Variants in INTS7 observed in about 807,000 individuals in gnomAD.
INTS7 encodes integrator complex subunit 7.
INTS7 carries 46 observed loss-of-function variants against 109.2 expected under a neutral mutation model. The ratio of observed to expected loss-of-function variants is 0.42; its 90% CI spans 0.33 to 0.54. The LOEUF (loss-of-function observed/expected upper bound fraction) is 0.54, where lower values mean the gene tolerates loss of function less well. Among genes scored for constraint, INTS7 ranks in the 20% least tolerant of loss-of-function variants. The pLI is 0.07. For missense variants in INTS7, 929 were observed against 1,132.4 expected, an observed-to-expected ratio of 0.82 and a Z score of 2.58; for synonymous variants, 412 against 402.9, an observed-to-expected ratio of 1.02 and a Z score of -0.27.
At chr1:211,976,052 G>A (rs1293864359) in intron 12 of INTS7, among the ~76,000 whole-genome samples, 1 of 151,918 alleles carries the variant, frequency 6.6e-6, no homozygotes, top group Non-Finnish European at 1.5e-5. Context: ...TGTCCGCCTT[G>A]GCCTCTCACA....
At chr1:211,988,964 CTTATCCT>C (rs754378537) in intron 7 of INTS7, among the ~76,000 whole-genome samples, 57 of 152,240 alleles carry the variant, frequency 3.7e-4, no homozygotes, top group Non-Finnish European at 6.9e-4. Flanking sequence ...TGACTCTTGC[CTTATCCT>C]TTATCACATG....
chr1:211,973,429 T>C (rs1009964077), intron 13 of INTS7, among the ~76,000 whole-genome samples: 4 of 152,244 alleles, frequency 2.6e-5, no homozygotes, highest in African/African-American at 9.6e-5. Flanking sequence ...ATTAAACACC[T>C]AACTTTGCTA....
intron 4 of INTS7, among the ~76,000 whole-genome samples, chr1:212,014,941 G>A (rs1452276948): frequency 6.6e-6 from 1 of 152,196 alleles, no homozygotes; most frequent in Non-Finnish European, 1.5e-5. Flanking sequence ...AGTGCAGCCT[G>A]TGCCCGGCCG....
intron 1 of INTS7, among the ~76,000 whole-genome samples, chr1:212,029,425 CTG>C (rs1667059234): frequency 6.6e-6 from 1 of 152,200 alleles, no homozygotes; most frequent in Non-Finnish European, 1.5e-5. Context: ...CATGGCAGAA[CTG>C]TGAGTGGACA....
intron 17 of INTS7, among the ~76,000 whole-genome samples, chr1:211,948,600 G>T (rs923272958): frequency 6.6e-6 from 1 of 152,232 alleles, no homozygotes; most frequent in African/African-American, 2.4e-5. Context: ...AGCCCCTTGG[G>T]TATTGACCTC....
At chr1:212,020,007 A>G in intron 3 of INTS7, 115 bp downstream of exon 3, 1 of 750,870 alleles carries the variant, frequency 1.3e-6, no homozygotes, top group Non-Finnish European at 2.0e-6. Flanking sequence ...CTCTTAGTCA[A>G]AAAAACATAA....
chr1:211,944,982 C>G lies in INTS7; in HGVS notation c.2416-13G>C. ...GTGACAGAGCAAGCTGGAATGCCAA[C>G]ACTCAAATAAATGCCAACAACCAAG... On this transcript the variant is annotated splice_polypyrimidine_tract_variant and intron_variant, in intron 18 of 19. Coordinates refer to ENST00000366994, the MANE Select transcript of INTS7 (RefSeq NM_015434.4). The G allele has an allele frequency of 6.2e-7, 1 of 1,611,556 alleles. No homozygotes were observed. The highest frequency in any genetic ancestry group is 1.7e-5 in the Admixed American group (1 of 59,864).
intron 16 of INTS7, among the ~76,000 whole-genome samples, chr1:211,963,702 G>T (rs539857245): frequency 6.6e-6 from 1 of 152,030 alleles, no homozygotes; most frequent in East Asian, 1.9e-4. Flanking sequence ...CAATAAATGT[G>T]ATTCATCACA....
At chr1:211,987,779 A>AT (rs1276710138) in intron 8 of INTS7, 107 bp downstream of exon 8, 11 of 570,400 alleles carry the variant, frequency 1.9e-5, no homozygotes, top group Middle Eastern at 3.1e-4. Context: ...GGAGTATGAG[A>AT]TTTTTTTCCC....
chr1:212,029,965 T>TC (rs916050173), intron 1 of INTS7, among the ~76,000 whole-genome samples: 3 of 152,078 alleles, frequency 2.0e-5, no homozygotes, highest in Admixed American at 2.0e-4. Context: ...GCAGCATCCA[T>TC]CCCCCAAATT....
At chr1:212,030,999 C>G (rs1667136480) in intron 1 of INTS7, 1 of 152,182 alleles carries the variant, frequency 6.6e-6, no homozygotes, top group African/African-American at 2.4e-5. Context: ...TTCTCTATTT[C>G]ATAACTAAAT....
At chr1:211,984,921 G>C (rs927895745) in intron 8 of INTS7, among the ~76,000 whole-genome samples, 1 of 151,854 alleles carries the variant, frequency 6.6e-6, no homozygotes, top group African/African-American at 2.4e-5. Context: ...TAATTTCTTT[G>C]AGTCCTCTAT....
intron 1 of INTS7, among the ~76,000 whole-genome samples, chr1:212,021,591 C>T (rs1194247081): frequency 6.6e-6 from 1 of 150,992 alleles, no homozygotes; most frequent in Non-Finnish European, 1.5e-5. Context: ...TGCTTGTAAT[C>T]TCAACACTTT....
intron 17 of INTS7, among the ~76,000 whole-genome samples, chr1:211,949,252 T>C (rs772738760): frequency 3.9e-5 from 6 of 152,180 alleles, no homozygotes; most frequent in Non-Finnish European, 8.8e-5. Context: ...TTCTCCCCAC[T>C]CCCGTGACTT....
At chr1:212,020,967 C>T (rs544761944) in intron 2 of INTS7, 116 bp downstream of exon 2, 642 of 928,798 alleles carry the variant, frequency 6.9e-4, no homozygotes, top group South Asian at 8.8e-4. Context: ...CATGTGTGTC[C>T]ACTAATGGTA....
chr1:211,946,660 G>A lies in INTS7; in HGVS notation c.2362C>T (p.Pro788Ser). The A allele has an allele frequency of 1.2e-6, 2 of 1,613,596 alleles. No individual in the cohort carries two copies. Among genetic ancestry groups the A allele is most frequent in the Non-Finnish European group, 8.5e-7 (1 of 1,179,622 alleles). Reference protein sequence around the residue: ...CNAIIALLKVPLSFQRYFFQK... With the variant: ...CNAIIALLKVSLSFQRYFFQK... ...AAAAAATATCTCTGGAAAGAAAGGG[G>A]AACTTTCAGCAAAGCAATGATGGCA... The change falls in exon 18 of 20, where the codon CCC becomes TCC. Residue 788 changes from proline (P) to serine (S), a missense_variant. Around this residue, in one of 2 missense-constraint regions of INTS7, gnomAD observed 787 missense variants for 901.1 expected, o/e 0.87. Transcript: ENST00000366994. This position sits in a 1 kb window ranked among gnomAD's most constrained non-coding sequence, Gnocchi z 4.3.
intron 17 of INTS7, among the ~76,000 whole-genome samples, chr1:211,950,947 T>C (rs996273771): frequency 7.9e-5 from 12 of 152,210 alleles, no homozygotes; most frequent in Non-Finnish European, 1.6e-4. Flanking sequence ...TCAAAGACTG[T>C]CTTTACACTC....
intron 15 of INTS7, among the ~76,000 whole-genome samples, 185 bp downstream of exon 15, chr1:211,967,693 T>G (rs1365190802): frequency 6.6e-6 from 1 of 152,178 alleles, no homozygotes; most frequent in African/African-American, 2.4e-5. Flanking sequence ...CACCATTTTT[T>G]GTTAAAATCC....
chr1:211,986,286 A>G (rs1019465820), intron 8 of INTS7, among the ~76,000 whole-genome samples: 2 of 152,158 alleles, frequency 1.3e-5, no homozygotes, highest in African/African-American at 4.8e-5. Context: ...TAATCACACA[A>G]GTGACCCCAA....
Sources: allele counts gnomAD v4.1 joint callset (sites outside exome capture counted in the v4.1 genomes callset), GRCh38; gene constraint gnomAD v4.1.1; regional missense constraint gnomAD v4.1.1; non-coding constraint Gnocchi (gnomAD v3.1); transcripts MANE v1.5; gene names NCBI Gene and HGNC (gene_info 2026-07-23, HGNC 2026-07-21).